ASIC2: variants seen among roughly 807,000 people sequenced by gnomAD.
The protein encoded by ASIC2 is acid sensing ion channel subunit 2, also known as acid-sensing ion channel 2.
Under a neutral mutation model 57.3 loss-of-function variants are expected in ASIC2, and 25 were observed. That is an observed-to-expected ratio of 0.44 (90% CI 0.32 to 0.61). ASIC2 has a LOEUF of 0.61. Ranked by LOEUF, ASIC2 falls within the 20% of genes least tolerant of loss-of-function variation. The probability of loss-of-function intolerance (pLI) is 0.06; values close to 1 mark genes in which losing one functional copy is unlikely to be tolerated. For synonymous variants in ASIC2, 319 were observed against 307.5 expected, an observed-to-expected ratio of 1.04 and a Z score of -0.39; for missense variants, 641 against 738.1, an observed-to-expected ratio of 0.87 and a Z score of 1.52.
At chr17:34,087,188 T>A (rs937330273) in intron 1 of ASIC2, among the ~76,000 whole-genome samples, 1 of 152,218 alleles carries the variant, frequency 6.6e-6, no homozygotes. Flanking sequence ...CGGTTGTTCC[T>A]TTCCATGTTT....
At chr17:33,826,353 G>C (rs74545378) in intron 1 of ASIC2, among the ~76,000 whole-genome samples, 1,790 of 152,232 alleles carry the variant, frequency 0.012, 39 homozygotes, top group African/African-American at 0.04. Context: ...ATCCCTTTTT[G>C]GGGGAGTGAG....
intron 1 of ASIC2, among the ~76,000 whole-genome samples, chr17:33,798,838 T>C (rs76850280): frequency 6.6e-6 from 1 of 152,218 alleles, no homozygotes; most frequent in Non-Finnish European, 1.5e-5. Flanking sequence ...CTGTTTGCAA[T>C]GGTCAGGGGA....
At chr17:33,778,807 G>A (rs1409839303) in intron 1 of ASIC2, among the ~76,000 whole-genome samples, 1 of 152,162 alleles carries the variant, frequency 6.6e-6, no homozygotes, top group African/African-American at 2.4e-5. Flanking sequence ...ACTGCATAGT[G>A]GATACTCATG....
chr17:33,429,010 G>A (rs1406742593), intron 1 of ASIC2, among the ~76,000 whole-genome samples: 1 of 152,142 alleles, frequency 6.6e-6, no homozygotes, highest in Non-Finnish European at 1.5e-5. Context: ...ATTAGAAAGG[G>A]AGTCCTAGCA....
chr17:33,799,415 CTTTCTTTCTTTCTTCT>C (rs1912037572), intron 1 of ASIC2, among the ~76,000 whole-genome samples: 9 of 64,778 alleles, frequency 1.4e-4, no homozygotes, highest in African/African-American at 5.5e-4. Flanking sequence ...TTCTTTCTTT[CTTTCTTTCTTTCTTCT>C]TTCTTTCTTT....
At chr17:33,600,398 T>G (rs1262375222) in intron 1 of ASIC2, among the ~76,000 whole-genome samples, 1 of 152,190 alleles carries the variant, frequency 6.6e-6, no homozygotes, top group Non-Finnish European at 1.5e-5. Flanking sequence ...TTTCTGTTTA[T>G]TATAAATTAC....
At chr17:33,219,531 A>T (rs1025862030) in intron 1 of ASIC2, among the ~76,000 whole-genome samples, 4 of 152,144 alleles carry the variant, frequency 2.6e-5, no homozygotes, top group African/African-American at 7.2e-5. Flanking sequence ...ATAGATGAAA[A>T]CACCGAAGCT....
chr17:34,006,978 A>C (rs1400893428), intron 1 of ASIC2, among the ~76,000 whole-genome samples: 2 of 152,196 alleles, frequency 1.3e-5, no homozygotes, highest in African/African-American at 4.8e-5. Flanking sequence ...TACAGAGATG[A>C]ACAAGCTGCC....
At chr17:33,464,536 C>CTT (rs1175550882) in intron 1 of ASIC2, among the ~76,000 whole-genome samples, 2 of 31,054 alleles carry the variant, frequency 6.4e-5, no homozygotes, top group South Asian at 1.2e-3. Context: ...TTCTTTCTTT[C>CTT]TTTCTCTTTC....
intron 1 of ASIC2, among the ~76,000 whole-genome samples, chr17:34,008,957 T>C (rs1486142067): frequency 6.6e-6 from 1 of 152,170 alleles, no homozygotes; most frequent in Non-Finnish European, 1.5e-5. Context: ...GGCTTCACAT[T>C]TGGATTTAGC....
At chr17:33,676,747 T>C (rs1463676760) in intron 1 of ASIC2, among the ~76,000 whole-genome samples, 1 of 152,250 alleles carries the variant, frequency 6.6e-6, no homozygotes, top group Non-Finnish European at 1.5e-5. Context: ...CAGCAAGTTA[T>C]CGAGAAAATC....
intron 1 of ASIC2, among the ~76,000 whole-genome samples, chr17:33,236,546 G>A (rs980461327): frequency 2.0e-5 from 3 of 151,706 alleles, no homozygotes; most frequent in African/African-American, 7.3e-5. Context: ...TTGCTATGTT[G>A]CCCAGGTTGA....
intron 8 of ASIC2, 21 bp downstream of exon 8, chr17:33,017,584 G>T: frequency 6.2e-7 from 1 of 1,601,162 alleles, no homozygotes; most frequent in Non-Finnish European, 8.6e-7. Context: ...TCATTTCCCT[G>T]TGGGGAATCC....
At position 33,405,628 on chromosome 17, in the gene ASIC2, C is replaced by T. The variant is rs559721519; in HGVS notation, c.556-293561G>A. On this transcript the variant is annotated intron_variant, in intron 1 of 9. Transcript: ENST00000359872. ...CCTCCTGAGTAGCTGGGATTACAGG[C>T]GCCCGCCACCACACCCAGCTAATTT... Among the ~76,000 whole-genome samples, 32 of 151,916 alleles carry T rather than the reference C, an allele frequency of 2.1e-4. No homozygotes were observed. In the South Asian group the frequency reaches 5.2e-3, roughly 25 times the overall value.
intron 1 of ASIC2, among the ~76,000 whole-genome samples, chr17:33,635,400 T>C (rs1420888683): frequency 6.6e-6 from 1 of 152,224 alleles, no homozygotes; most frequent in Non-Finnish European, 1.5e-5. Flanking sequence ...ATCTCACGGC[T>C]GTGAGGCATA....
intron 1 of ASIC2, among the ~76,000 whole-genome samples, chr17:33,822,927 A>G (rs1912791036): frequency 6.6e-6 from 1 of 152,252 alleles, no homozygotes; most frequent in Admixed American, 6.5e-5. Flanking sequence ...ATTTTTAAGC[A>G]TGAAGTAATG....
intron 1 of ASIC2, among the ~76,000 whole-genome samples, chr17:33,938,752 C>T (rs2141977017): frequency 6.6e-6 from 1 of 152,304 alleles, no homozygotes; most frequent in Middle Eastern, 3.4e-3. Context: ...AATTAATTCT[C>T]ACCCTCTACC....
At chr17:34,077,959 G>C (rs748902695) in intron 1 of ASIC2, among the ~76,000 whole-genome samples, 8 of 152,060 alleles carry the variant, frequency 5.3e-5, no homozygotes, top group Non-Finnish European at 1.2e-4. Flanking sequence ...AGGACATCCT[G>C]GGTTAAAGTT....
chr17:33,242,878 G>A (rs1908560883), intron 1 of ASIC2, among the ~76,000 whole-genome samples: 2 of 152,114 alleles, frequency 1.3e-5, no homozygotes, highest in South Asian at 4.1e-4. Flanking sequence ...AAGAGATCTG[G>A]ATCGAGAGGT....
Sources: gnomAD v4.1 joint callset for allele counts (sites outside exome capture counted in the v4.1 genomes callset) on GRCh38, gnomAD v4.1.1 for gene constraint, MANE v1.5 for transcripts, NCBI Gene and HGNC (gene_info 2026-07-23, HGNC 2026-07-21) for gene names.